The following DIAPH3 variants were observed in gnomAD, a reference collection of about 807,000 sequenced individuals.
DIAPH3 encodes protein diaphanous homolog 3.
In DIAPH3, 117 loss-of-function variants were observed where a neutral mutation model predicts 144.3. That is an observed-to-expected ratio of 0.81 (90% CI 0.70 to 0.95). The LOEUF (loss-of-function observed/expected upper bound fraction) is 0.95. Ranked by LOEUF, DIAPH3 falls within the 40% of genes least tolerant of loss-of-function variation. The pLI is 0.00. For synonymous variants in DIAPH3, 519 were observed against 488.9 expected, an observed-to-expected ratio of 1.06 and a Z score of -0.81; for missense variants, 1,421 against 1,412.7, an observed-to-expected ratio of 1.01 and a Z score of -0.09.
intron 27 of DIAPH3, among the ~76,000 whole-genome samples, chr13:59,770,180 G>C (rs2038052274): frequency 6.6e-6 from 1 of 152,098 alleles, no homozygotes; most frequent in Admixed American, 6.6e-5. Context: ...GAGGAGATGG[G>C]AAGCGGTTAA....
intron 20 of DIAPH3, among the ~76,000 whole-genome samples, chr13:59,884,781 C>CAAA (rs34055848): frequency 4.4e-5 from 6 of 136,488 alleles, no homozygotes; most frequent in African/African-American, 1.1e-4. Context: ...AGAAAGGCTT[C>CAAA]AAAAAAAAAA....
chr13:59,981,511 C>CAAA (rs1199990424), intron 13 of DIAPH3, among the ~76,000 whole-genome samples: 1 of 91,136 alleles, frequency 1.1e-5, no homozygotes, highest in African/African-American at 3.8e-5. Flanking sequence ...TGATGTTAGA[C>CAAA]AAAAAAAAAA....
At chr13:59,839,797 T>G (rs2042241871) in intron 22 of DIAPH3, among the ~76,000 whole-genome samples, 1 of 152,194 alleles carries the variant, frequency 6.6e-6, no homozygotes, top group Non-Finnish European at 1.5e-5. Flanking sequence ...TTGGACTGAT[T>G]TAAATATAAT....
intron 27 of DIAPH3, among the ~76,000 whole-genome samples, chr13:59,712,947 A>G (rs2034826928): frequency 6.6e-6 from 1 of 152,212 alleles, no homozygotes; most frequent in Admixed American, 6.5e-5. Flanking sequence ...ATTTTCATAA[A>G]GAATACACAA....
chr13:59,802,446 T>C (rs1034720227), intron 25 of DIAPH3, among the ~76,000 whole-genome samples: 1 of 150,626 alleles, frequency 6.6e-6, no homozygotes, highest in Non-Finnish European at 1.5e-5. Flanking sequence ...TATCAATTAT[T>C]ATTTATTTAT....
chr13:59,858,290 AGGGAAGAGCCAGCTG>A (rs1256781058), intron 22 of DIAPH3, among the ~76,000 whole-genome samples: 1 of 152,078 alleles, frequency 6.6e-6, no homozygotes, highest in Non-Finnish European at 1.5e-5. Flanking sequence ...TGACCATAGG[AGGGAAGAGCCAGCTG>A]GGGAAGAGCT....
intron 2 of DIAPH3, among the ~76,000 whole-genome samples, chr13:60,132,411 T>C (rs541818101): frequency 2.7e-4 from 41 of 152,288 alleles, no homozygotes; most frequent in South Asian, 1.2e-3. Context: ...TAACCACAAG[T>C]TACATTTAAA....
At chr13:59,843,947 T>C (rs2042479772) in intron 22 of DIAPH3, among the ~76,000 whole-genome samples, 1 of 152,106 alleles carries the variant, frequency 6.6e-6, no homozygotes, top group Non-Finnish European at 1.5e-5. Context: ...GTGGAGCCTG[T>C]ATGAGTGGCG....
chr13:59,844,666 G>A (rs934896138), intron 22 of DIAPH3, among the ~76,000 whole-genome samples: 1 of 151,854 alleles, frequency 6.6e-6, no homozygotes, highest in African/African-American at 2.4e-5. Flanking sequence ...CATATTTTTT[G>A]TATTCCTGTT....
chr13:59,973,119 G>A (rs970105334), intron 15 of DIAPH3, among the ~76,000 whole-genome samples: 4 of 152,098 alleles, frequency 2.6e-5, no homozygotes, highest in African/African-American at 9.7e-5. Flanking sequence ...CAATTTAGGA[G>A]ATTCCTTGAT....
At chr13:59,993,702 T>TTAAAAAAAAAAA (rs577489826) in intron 9 of DIAPH3, among the ~76,000 whole-genome samples, 4 of 73,896 alleles carry the variant, frequency 5.4e-5, no homozygotes, top group Non-Finnish European at 7.5e-5. Flanking sequence ...GAAACATACT[T>TTAAAAAAAAAAA]AAAAAAAAAA....
chr13:59,839,566 A>T (rs2042229913), intron 22 of DIAPH3, 118 bp from the exon 23 acceptor site: 1 of 952,500 alleles, frequency 1.0e-6, no homozygotes, highest in African/African-American at 1.7e-5. Context: ...AAAATTCATT[A>T]TAAAATAAAA....
intron 18 of DIAPH3, among the ~76,000 whole-genome samples, chr13:59,922,055 A>G (rs1353234649): frequency 2.0e-5 from 3 of 152,088 alleles, no homozygotes; most frequent in Non-Finnish European, 4.4e-5. Flanking sequence ...ATGTGTCACA[A>G]CACAATAAAT....
At position 59,980,794 on chromosome 13, in the gene DIAPH3, C is replaced by G; in HGVS notation, c.1545+1G>C. ...CTATAAAGTTAGTGAAAACTACTTA[C>G]TTTCTTGTAAAGTTCTGATGCTTTC... is the stretch of plus-strand genomic sequence containing the variant. On this transcript the variant is annotated splice_donor_variant, in intron 14 of 27. Coordinates refer to ENST00000400324, the MANE Select transcript of DIAPH3 (RefSeq NM_001042517.2). LOFTEE classifies it high-confidence loss of function. 6 of 1,608,658 alleles carry G rather than the reference C, an allele frequency of 3.7e-6. No homozygotes were observed. Among genetic ancestry groups the G allele is most frequent in the Non-Finnish European group, 5.1e-6 (6 of 1,176,366 alleles).
intron 27 of DIAPH3, among the ~76,000 whole-genome samples, chr13:59,771,603 T>C (rs2038125261): frequency 6.6e-6 from 1 of 152,028 alleles, no homozygotes; most frequent in South Asian, 2.1e-4. Context: ...CACCAGCTCA[T>C]GGATGGGAAA....
chr13:60,040,836 T>A (rs189583334), intron 5 of DIAPH3, among the ~76,000 whole-genome samples: 18 of 152,250 alleles, frequency 1.2e-4, no homozygotes, highest in Admixed American at 6.5e-4. Flanking sequence ...CTCAATAATT[T>A]TTTTTTTCGC....
At chr13:60,045,640 T>C (rs1485428585) in intron 4 of DIAPH3, among the ~76,000 whole-genome samples, 2 of 152,198 alleles carry the variant, frequency 1.3e-5, no homozygotes, top group Non-Finnish European at 2.9e-5. Flanking sequence ...TTTTCAAGTT[T>C]CCTGTGTGTG....
At chr13:59,766,065 C>G (rs982962749) in intron 27 of DIAPH3, among the ~76,000 whole-genome samples, 1 of 152,156 alleles carries the variant, frequency 6.6e-6, no homozygotes, top group East Asian at 1.9e-4. Context: ...CTACAGTTTT[C>G]AAAACACAAA....
intron 22 of DIAPH3, among the ~76,000 whole-genome samples, chr13:59,851,501 T>C (rs778568052): frequency 1.3e-5 from 2 of 152,202 alleles, no homozygotes; most frequent in African/African-American, 2.4e-5. Flanking sequence ...ACTTCTTTCA[T>C]TGGCTTGGTT....
Sources: allele counts gnomAD v4.1 joint callset (sites outside exome capture counted in the v4.1 genomes callset), GRCh38; gene constraint gnomAD v4.1.1; transcripts MANE v1.5; gene names NCBI Gene and HGNC (gene_info 2026-07-23, HGNC 2026-07-21).